The following KIF13A variants were observed in gnomAD, a reference collection of about 807,000 sequenced individuals.
KIF13A encodes the protein kinesin family member 13A.
In KIF13A, 79 loss-of-function variants were observed where a neutral mutation model predicts 212.2. The observed-to-expected ratio is 0.37, with a 90% CI of 0.31 to 0.45. The LOEUF (loss-of-function observed/expected upper bound fraction) is 0.45, where lower values mean the gene tolerates loss of function less well. Ranked by LOEUF, KIF13A falls within the 20% of genes least tolerant of loss-of-function variation. The pLI is 1.00. For missense variants in KIF13A, 1,901 were observed against 2,209.0 expected (o/e 0.86, Z 2.79); for synonymous variants, 789 against 808.6 (o/e 0.98, Z 0.41).
chr6:17,778,384 C>T (rs1261524987), intron 33 of KIF13A, among the ~76,000 whole-genome samples: 1 of 152,040 alleles, frequency 6.6e-6, no homozygotes, highest in Non-Finnish European at 1.5e-5. Flanking sequence ...TCCTATTAAT[C>T]AACACCTCCC....
chr6:17,798,503 T>C (rs1284838928), intron 22 of KIF13A, among the ~76,000 whole-genome samples: 3 of 152,238 alleles, frequency 2.0e-5, no homozygotes, highest in African/African-American at 7.2e-5. Context: ...TGACAGCCCT[T>C]ACCTATGTGA....
intron 2 of KIF13A, among the ~76,000 whole-genome samples, chr6:17,983,206 A>G (rs940778325): frequency 6.6e-6 from 1 of 151,574 alleles, no homozygotes; most frequent in East Asian, 1.9e-4. Context: ...TACCAAAGAT[A>G]TTTCTTAAAA....
intron 2 of KIF13A, among the ~76,000 whole-genome samples, chr6:17,965,305 G>T (rs553487273): frequency 6.7e-6 from 1 of 150,074 alleles, no homozygotes; most frequent in African/African-American, 2.5e-5. Context: ...AATAAGTGTT[G>T]TTTCCATACA....
At chr6:17,791,343 G>A (rs1349137541) in intron 25 of KIF13A, among the ~76,000 whole-genome samples, 1 of 150,328 alleles carries the variant, frequency 6.7e-6, no homozygotes, top group Non-Finnish European at 1.5e-5. Context: ...TTCTGCATTG[G>A]TTTCAGCTAC....
At chr6:17,808,201 T>C (rs1763140539) in intron 18 of KIF13A, among the ~76,000 whole-genome samples, 1 of 152,106 alleles carries the variant, frequency 6.6e-6, no homozygotes, top group Non-Finnish European at 1.5e-5. Context: ...GCCTGGCCAA[T>C]ATGGCAAAAC....
intron 2 of KIF13A, among the ~76,000 whole-genome samples, chr6:17,910,806 A>G (rs1029530604): frequency 6.6e-6 from 1 of 152,220 alleles, no homozygotes; most frequent in Non-Finnish European, 1.5e-5. Flanking sequence ...TCTGTTGCCC[A>G]GGCTGGAGTG....
rs1768193766 is a variant in KIF13A, at chr6:17,856,873, C to T, written c.221-751G>A. On this transcript the variant is annotated intron_variant, in intron 4 of 38. Transcript: ENST00000259711. This position sits in a 1 kb window ranked among gnomAD's most constrained non-coding sequence, Gnocchi z 4.5. ...GACAATTAGACTTATGTTCTCCTTC[C>T]TGTCTTCTTATAGTCCTTAGAACAT... 1.3e-5 allele frequency among the ~76,000 whole-genome samples: 2 copies of T among 152,130 alleles called. No individual in the cohort carries two copies. The highest frequency in any genetic ancestry group is 2.1e-4 in the South Asian group (1 of 4,820).
chr6:17,938,952 G>T (rs976703867), intron 2 of KIF13A, among the ~76,000 whole-genome samples: 4 of 151,668 alleles, frequency 2.6e-5, no homozygotes, highest in Non-Finnish European at 5.9e-5. Flanking sequence ...TTCTAGCCTT[G>T]CATGTCAAAA....
chr6:17,799,319 G>T lies in KIF13A; in HGVS notation c.2737C>A (p.Pro913Thr). The change falls in exon 22 of 39, where the codon CCT becomes ACT. Residue 913 changes from proline (P) to threonine (T), a missense_variant. Pro to Thr is a conservative substitution (Grantham distance 38). This residue lies in a region of KIF13A where 534 missense variants were observed against 536.9 expected (regional missense o/e 0.99). Coordinates refer to ENST00000259711, the MANE Select transcript of KIF13A (RefSeq NM_022113.6). This position sits in a 1 kb window ranked among gnomAD's most constrained non-coding sequence, Gnocchi z 4.4. The part of the protein sequence containing the change: ...VAAPVVDPEV[P>T]SPQSKDAQYT... ...TGGGCATCCTTGGACTGTGGTGAAG[G>T]CACCTCGGGGTCCACCACCGGGGCA... 1 of 1,613,322 alleles carries T rather than the reference G, an allele frequency of 6.2e-7. No homozygotes were observed. The highest frequency in any genetic ancestry group is 8.5e-7 in the Non-Finnish European group (1 of 1,179,592).
At position 17,829,302 on chromosome 6, in the gene KIF13A, G is replaced by A. The variant is rs1737693198; in HGVS notation, c.1402-932C>T. On this transcript the variant is annotated intron_variant, in intron 13 of 38. Coordinates refer to ENST00000259711, the MANE Select transcript of KIF13A (RefSeq NM_022113.6). This position sits in a 1 kb window ranked among gnomAD's most constrained non-coding sequence, Gnocchi z 5.4. ...CCTCAGGGCTATAATATCATTACAT[G>A]TCTCATAGACTCCGGAAAACTCCAC... Among the ~76,000 whole-genome samples, 1 of 152,136 alleles carries A rather than the reference G, an allele frequency of 6.6e-6. No individual in the cohort carries two copies. Among genetic ancestry groups the A allele is most frequent in the African/African-American group, 2.4e-5 (1 of 41,426 alleles).
chr6:17,985,640 T>TGGGGGGGGGGGGGG (rs1457148104), intron 2 of KIF13A, among the ~76,000 whole-genome samples: 4 of 40,876 alleles, frequency 9.8e-5, no homozygotes, highest in Admixed American at 2.9e-4. Context: ...TGCGGGGGGG[T>TGGGGGGGGGGGGGG]GGGGGGAGGG....
intron 2 of KIF13A, among the ~76,000 whole-genome samples, chr6:17,956,690 C>G (rs1778382647): frequency 6.6e-6 from 1 of 152,080 alleles, no homozygotes; most frequent in Admixed American, 6.6e-5. Context: ...GGAATAGATT[C>G]TCTCTCGCCG....
chr6:17,961,519 A>G lies in KIF13A; in HGVS notation c.146+25535T>C, dbSNP rs753077440. On this transcript the variant is annotated intron_variant, in intron 2 of 38. Coordinates refer to ENST00000259711, the MANE Select transcript of KIF13A (RefSeq NM_022113.6). The surrounding 1 kb of genome is among the most constrained non-coding windows in gnomAD (Gnocchi z 4.1). ...TTTAATATTTTACCAACTGACTACC[A>G]TAAATTTGACATTAAACAAAACAGC... Among the ~76,000 whole-genome samples, 2 of 152,238 alleles carry G rather than the reference A, an allele frequency of 1.3e-5. No individual in the cohort carries two copies. The highest frequency in any genetic ancestry group is 2.4e-5 in the African/African-American group (1 of 41,460).
intron 2 of KIF13A, among the ~76,000 whole-genome samples, chr6:17,980,158 G>A (rs1280878180): frequency 2.6e-5 from 4 of 152,230 alleles, no homozygotes; most frequent in East Asian, 3.9e-4. Context: ...ACTAGGTCAC[G>A]TCCAAAGGAT....
In KIF13A at chr6:17,776,138, A is replaced by C. The variant is rs997622356; in HGVS notation, c.4171-1076T>G. ...GGTGATCTGCCCACCTCAGCCTCCC[A>C]AAGTGCTGGGATTATAAGCGTGAGC... On this transcript the variant is annotated intron_variant, in intron 34 of 38. Coordinates refer to ENST00000259711, the MANE Select transcript of KIF13A (RefSeq NM_022113.6). The surrounding 1 kb of genome is among the most constrained non-coding windows in gnomAD (Gnocchi z 4.6). 5.9e-5 allele frequency among the ~76,000 whole-genome samples: 9 copies of C among 152,148 alleles called. No individual in the cohort carries two copies. The highest frequency in any genetic ancestry group is 2.2e-4 in the African/African-American group (9 of 41,444).
rs1373646441 is a variant in KIF13A at position 17,825,452 on chromosome 6, G to A, written c.1786+316C>T. On this transcript the variant is annotated intron_variant, in intron 16 of 38. Transcript: ENST00000259711. The surrounding 1 kb of genome is among the most constrained non-coding windows in gnomAD (Gnocchi z 4.5). ...TCAAGGATTCAGATATGACAGGCTC[G>A]ATGATGAGAAATTTGGTAAGGAATT... Among the ~76,000 whole-genome samples, 2 of 152,072 alleles carry A rather than the reference G, an allele frequency of 1.3e-5. No individual in the cohort carries two copies. The highest frequency in any genetic ancestry group is 2.1e-4 in the South Asian group (1 of 4,824).
At chr6:17,889,238 T>C (rs1771822734) in intron 3 of KIF13A, among the ~76,000 whole-genome samples, 7 of 152,234 alleles carry the variant, frequency 4.6e-5, no homozygotes. Context: ...TGTATCTGTG[T>C]GCTTCTTCAA....
At chr6:17,808,090 A>G (rs733697) in intron 18 of KIF13A, among the ~76,000 whole-genome samples, 61,254 of 152,044 alleles carry the variant, frequency 0.4, 13,169 homozygotes, top group East Asian at 0.6. Context: ...TCACTCTTAA[A>G]AAGGTACCAT....
At chr6:17,937,880 C>G (rs1224919477) in intron 2 of KIF13A, among the ~76,000 whole-genome samples, 5 of 152,038 alleles carry the variant, frequency 3.3e-5, no homozygotes, top group African/African-American at 1.2e-4. Context: ...TCTCAAGTAG[C>G]TGGGGCCACA....
Sources: allele counts gnomAD v4.1 joint callset (sites outside exome capture counted in the v4.1 genomes callset), GRCh38; gene constraint gnomAD v4.1.1; regional missense constraint gnomAD v4.1.1; non-coding constraint Gnocchi (gnomAD v3.1); transcripts MANE v1.5; gene names NCBI Gene and HGNC (gene_info 2026-07-23, HGNC 2026-07-21).